The following ITIH5 variants were observed in gnomAD, a reference collection of about 807,000 sequenced individuals.
ITIH5 encodes the protein inter-alpha-trypsin inhibitor heavy chain 5, also known as inter-alpha-trypsin inhibitor heavy chain H5.
A neutral mutation model predicts 77.5 loss-of-function variants in ITIH5; 65 were observed. The observed-to-expected ratio is 0.84, with a 90% confidence interval of 0.69 to 1.03. ITIH5 has a LOEUF of 1.03. ITIH5 is among the 50% of genes least tolerant of loss of function. ITIH5 has a pLI of 0.00. For missense variants in ITIH5, 1,208 were observed against 1,213.1 expected (o/e 1.00, Z 0.06); for synonymous variants, 525 against 494.3 (o/e 1.06, Z -0.82).
chr10:7,576,767 T>A lies in ITIH5; in HGVS notation c.1664A>T (p.Asp555Val), dbSNP rs1423253840. Residue 555 changes from aspartate (D) to valine (V), a missense_variant, in exon 10 of 14, where the codon GAT (aspartate) becomes GTT (valine). Physicochemically the swap from Asp to Val is radical, Grantham distance 152. Transcript: ENST00000397146. ...VPVRPQKAGK[D>V]VTGSPRPGGD... is the part of the protein sequence containing the mutation. The stretch of plus-strand genomic sequence containing the variant: ...TCCAGGCCTGGGGCTTCCTGTGACA[T>A]CTTTCCCTGCCTTCTGAGGCCGCAC... 5.0e-6 allele frequency: 8 copies of A among 1,614,232 alleles called. No homozygotes were observed. The highest frequency in any genetic ancestry group is 5.9e-6 in the Non-Finnish European group (7 of 1,180,036).
At chr10:7,639,375 G>A (rs76568821) in intron 4 of ITIH5, among the ~76,000 whole-genome samples, 5 of 152,216 alleles carry the variant, frequency 3.3e-5, no homozygotes, top group Non-Finnish European at 7.3e-5. Context: ...ACGACATTAA[G>A]ATAAACGTGG....
chr10:7,580,820 C>T (rs1832536846), intron 8 of ITIH5, among the ~76,000 whole-genome samples: 1 of 152,190 alleles, frequency 6.6e-6, no homozygotes, highest in Admixed American at 6.5e-5. Flanking sequence ...GAATTTGTTG[C>T]CTTCATCGTC....
intron 2 of ITIH5, among the ~76,000 whole-genome samples, chr10:7,646,041 A>G (rs1040735615): frequency 6.6e-6 from 1 of 152,232 alleles, no homozygotes; most frequent in Admixed American, 6.5e-5. Context: ...TTTTCTTTCT[A>G]AATTATCCAT....
intron 7 of ITIH5, chr10:7,600,659 G>C (rs536575441): frequency 4.4e-6 from 2 of 449,710 alleles, no homozygotes; most frequent in Admixed American, 2.4e-5. Flanking sequence ...GCAAAGCCTA[G>C]GGGTACACAA....
chr10:7,613,245 CAAA>C (rs58021308), intron 7 of ITIH5, among the ~76,000 whole-genome samples: 527 of 143,328 alleles, frequency 3.7e-3, no homozygotes, highest in African/African-American at 0.014. Flanking sequence ...GACTTCGTCT[CAAA>C]AAAAAAAAAA....
At chr10:7,643,545 A>G (rs1259272164) in intron 2 of ITIH5, among the ~76,000 whole-genome samples, 1 of 152,166 alleles carries the variant, frequency 6.6e-6, no homozygotes, top group African/African-American at 2.4e-5. Flanking sequence ...CCTGCTCATA[A>G]TTGTGTGCTC....
chr10:7,654,969 T>A (rs1325427564), intron 2 of ITIH5, among the ~76,000 whole-genome samples: 1 of 151,738 alleles, frequency 6.6e-6, no homozygotes, highest in African/African-American at 2.4e-5. Flanking sequence ...AAAAAAAATT[T>A]TTTTTAATTC....
intron 7 of ITIH5, among the ~76,000 whole-genome samples, chr10:7,603,062 A>G (rs1238942274): frequency 6.6e-6 from 1 of 152,104 alleles, no homozygotes; most frequent in South Asian, 2.1e-4. Flanking sequence ...GAAATCCTAC[A>G]CCTGAGCATC....
At chr10:7,640,146 T>TATAAAA (rs1588420394) in intron 4 of ITIH5, among the ~76,000 whole-genome samples, 1 of 17,596 alleles carries the variant, frequency 5.7e-5, no homozygotes, top group Non-Finnish European at 1.1e-4. Flanking sequence ...AGGGGGTAAC[T>TATAAAA]ACAAAAAAAA....
intron 1 of ITIH5, among the ~76,000 whole-genome samples, chr10:7,662,590 A>G (rs1034016723): frequency 6.6e-6 from 1 of 152,226 alleles, no homozygotes; most frequent in Non-Finnish European, 1.5e-5. Context: ...AGATCGCCTT[A>G]TATGTGAGCA....
At chr10:7,565,720 GTATT>G (rs1356939607) in intron 13 of ITIH5, among the ~76,000 whole-genome samples, 1 of 148,018 alleles carries the variant, frequency 6.8e-6, no homozygotes, top group Non-Finnish European at 1.5e-5. Flanking sequence ...TATATATTAT[GTATT>G]TATATAGAGA....
rs142339391 is a variant in ITIH5, at chr10:7,589,055, G to T, written c.940-2986C>A. Among the ~76,000 whole-genome samples, 580 of 152,306 alleles carry T rather than the reference G, an allele frequency of 3.8e-3. 4 individuals are homozygous for T. Among genetic ancestry groups the T allele is most frequent in the African/African-American group, 0.014 (565 of 41,568 alleles). On this transcript the variant is annotated intron_variant, in intron 7 of 13. Transcript: ENST00000397146. ...CCCTTTTAACGTGCAGCAAATCTGG[G>T]GATCTCTTCCAAGTCCCTGTATGTT...
chr10:7,602,933 A>G (rs1429608818), intron 7 of ITIH5, among the ~76,000 whole-genome samples: 3 of 152,060 alleles, frequency 2.0e-5, no homozygotes, highest in African/African-American at 7.2e-5. Context: ...CTCTCATTCC[A>G]TGCAGGCTCC....
intron 1 of ITIH5, 28 bp from the exon 2 acceptor site, chr10:7,655,703 G>A (rs1343330964): frequency 1.3e-6 from 2 of 1,577,084 alleles, no homozygotes; most frequent in Admixed American, 1.7e-5. Flanking sequence ...CTGTTAAAAA[G>A]GTGATTTTTA....
intron 2 of ITIH5, among the ~76,000 whole-genome samples, chr10:7,644,294 A>G (rs1024361669): frequency 2.7e-5 from 4 of 149,172 alleles, no homozygotes; most frequent in South Asian, 2.1e-4. Flanking sequence ...TATATCATAT[A>G]TATCATACAT....
chr10:7,565,952 G>A, intron 13 of ITIH5, 78 bp downstream of exon 13: 1 of 1,530,346 alleles, frequency 6.5e-7, no homozygotes. Flanking sequence ...CAAACGAAAG[G>A]TGTTGGCAAT....
At chr10:7,665,711 G>C (rs1409739866) in intron 1 of ITIH5, among the ~76,000 whole-genome samples, 1 of 152,182 alleles carries the variant, frequency 6.6e-6, no homozygotes, top group African/African-American at 2.4e-5. Flanking sequence ...GACCAACGAG[G>C]ACATGAAGGC....
At position 7,624,814 on chromosome 10, in the gene ITIH5, C is replaced by T. The variant is rs113939506; in HGVS notation, c.653-7532G>A. On this transcript the variant is annotated intron_variant, in intron 5 of 13. Transcript: ENST00000397146. ...AAAAAAAAAAATATATATATATATACACATATATATGTGTATATACATGTA... is the reference window on the plus strand; with the variant it reads ...AAAAAAAAAAATATATATATATATATACATATATATGTGTATATACATGTA... 1.1e-4 allele frequency among the ~76,000 whole-genome samples: 13 copies of T among 115,406 alleles called. 2 individuals carry two copies. In the East Asian group the frequency reaches 2.6e-3, roughly 23 times the overall value. 75.7% of individuals were successfully genotyped at this position (115,406 alleles called of 152,430 possible).
chr10:7,641,539 AAGGAAAGAAAGAAAG>A (rs1414589295), intron 3 of ITIH5, among the ~76,000 whole-genome samples: 12 of 151,456 alleles, frequency 7.9e-5, no homozygotes, highest in African/African-American at 2.9e-4. Flanking sequence ...GAAGGGGAGG[AAGGAAAGAAAGAAAG>A]AGGAAAGAAA....
Sources: gnomAD v4.1 joint callset for allele counts (sites outside exome capture counted in the v4.1 genomes callset) on GRCh38, gnomAD v4.1.1 for gene constraint, MANE v1.5 for transcripts, NCBI Gene and HGNC (gene_info 2026-07-23, HGNC 2026-07-21) for gene names.